Variants in NARS2 observed in about 807,000 individuals in gnomAD.
The protein encoded by NARS2 is asparaginyl-tRNA synthetase.
In NARS2, 60 loss-of-function variants were observed where a neutral mutation model predicts 62.9. The observed-to-expected ratio is 0.95, with a 90% CI of 0.77 to 1.18. The LOEUF (loss-of-function observed/expected upper bound fraction) is 1.18, where lower values mean the gene tolerates loss of function less well. Among genes scored for constraint, NARS2 ranks in the 50% most tolerant of loss-of-function variants. The pLI is 0.00. For synonymous variants in NARS2, 196 were observed against 200.0 expected (o/e 0.98, Z 0.17); for missense variants, 619 against 576.4 (o/e 1.07, Z -0.76).
rs1857416664 is a variant in NARS2 at position 78,436,600 on chromosome 11, T to A, written c.*70A>T. 2.0e-6 allele frequency: 3 copies of A among 1,490,678 alleles called. No homozygotes were observed. The highest frequency in any genetic ancestry group is 2.8e-5 in the African/African-American group (2 of 71,476). The allele number at this position is 1,490,678 out of a possible 1,614,324, so 92.3% of individuals were successfully genotyped here. A position where few individuals can be genotyped will look rare whatever the true frequency, so the allele number is the denominator to read the frequency against. On this transcript the variant is annotated 3_prime_UTR_variant, in exon 14 of 14. Coordinates refer to ENST00000281038, the MANE Select transcript of NARS2 (RefSeq NM_024678.6). ...TGCATTTCTAAAATCCAAACATGCA[T>A]TCTGCTGTATGCACAATCATGTGCA...
At chr11:78,469,747 T>C (rs959471295) in intron 9 of NARS2, among the ~76,000 whole-genome samples, 1 of 148,858 alleles carries the variant, frequency 6.7e-6, no homozygotes. Context: ...ACAATGTGCG[T>C]GCGCGCATGT....
intron 11 of NARS2, among the ~76,000 whole-genome samples, chr11:78,452,317 C>T (rs1343903461): frequency 6.6e-6 from 1 of 151,972 alleles, no homozygotes. Flanking sequence ...CCATGTTGGC[C>T]AGGCTGGTCT....
At chr11:78,553,622 T>C (rs1257675391) in intron 5 of NARS2, among the ~76,000 whole-genome samples, 1 of 152,126 alleles carries the variant, frequency 6.6e-6, no homozygotes, top group African/African-American at 2.4e-5. Context: ...TGTTTTTCTC[T>C]TCTAAGTAAG....
intron 6 of NARS2, among the ~76,000 whole-genome samples, chr11:78,521,845 GT>G (rs1861139880): frequency 6.7e-6 from 1 of 149,646 alleles, no homozygotes; most frequent in South Asian, 2.1e-4. Context: ...CCTTTTTGTA[GT>G]TTTTGCAGAT....
chr11:78,562,377 C>G (rs890279519), intron 4 of NARS2, among the ~76,000 whole-genome samples: 1 of 152,156 alleles, frequency 6.6e-6, no homozygotes, highest in Non-Finnish European at 1.5e-5. Context: ...TGGCAGTAAG[C>G]CATGACTGCA....
chr11:78,568,852 A>T (rs1856827253), intron 2 of NARS2, 100 bp from the exon 3 acceptor site: 1 of 950,174 alleles, frequency 1.1e-6, no homozygotes, highest in Non-Finnish European at 1.5e-6. Context: ...TAATGACAAA[A>T]GCTTTTACCC....
intron 5 of NARS2, among the ~76,000 whole-genome samples, chr11:78,544,432 A>G (rs922612201): frequency 1.3e-5 from 2 of 152,140 alleles, no homozygotes; most frequent in South Asian, 2.1e-4. Flanking sequence ...TATGCTCTGA[A>G]TTTTCCAGAA....
intron 6 of NARS2, among the ~76,000 whole-genome samples, chr11:78,503,617 A>C (rs555725888): frequency 6.6e-6 from 1 of 152,224 alleles, no homozygotes; most frequent in East Asian, 1.9e-4. Flanking sequence ...TATTTCATAA[A>C]AAGGGTACAC....
At chr11:78,505,070 A>C (rs1860435200) in intron 6 of NARS2, among the ~76,000 whole-genome samples, 1 of 152,056 alleles carries the variant, frequency 6.6e-6, no homozygotes, top group Non-Finnish European at 1.5e-5. Context: ...TAAAAAAAAA[A>C]AAACCACTAA....
chr11:78,454,466 T>C (rs969798172), intron 11 of NARS2, among the ~76,000 whole-genome samples: 10 of 152,196 alleles, frequency 6.6e-5, no homozygotes, highest in African/African-American at 2.2e-4. Context: ...CTCTCTGTTT[T>C]GCTGTGTGAC....
chr11:78,533,350 T>G (rs1377263638), intron 5 of NARS2: 2 of 152,212 alleles, frequency 1.3e-5, no homozygotes, highest in Non-Finnish European at 2.9e-5. Context: ...TTGTGTATAT[T>G]TGTGATTTTT....
chr11:78,486,460 A>C (rs1740903276), intron 7 of NARS2, among the ~76,000 whole-genome samples: 3 of 152,212 alleles, frequency 2.0e-5, no homozygotes, highest in Admixed American at 6.5e-5. Context: ...AATGAACTAC[A>C]AATCACTGTG....
intron 11 of NARS2, among the ~76,000 whole-genome samples, chr11:78,452,601 G>T (rs1441391082): frequency 1.3e-5 from 2 of 151,916 alleles, no homozygotes; most frequent in Non-Finnish European, 2.9e-5. Context: ...TACAGACAGG[G>T]TCTCAATTTG....
intron 11 of NARS2, among the ~76,000 whole-genome samples, chr11:78,447,866 G>A (rs748540273): frequency 1.3e-5 from 2 of 152,150 alleles, no homozygotes; most frequent in Non-Finnish European, 2.9e-5. Context: ...GGAACGAAGA[G>A]TTGCTGATCA....
At chr11:78,439,774 A>G (rs1237417188) in intron 13 of NARS2, among the ~76,000 whole-genome samples, 1 of 152,174 alleles carries the variant, frequency 6.6e-6, no homozygotes, top group Non-Finnish European at 1.5e-5. Context: ...GCACAGCACA[A>G]GGATTAATAA....
rs559764943 is a variant in NARS2, at chr11:78,501,040, T to A, written c.690-7845A>T. On this transcript the variant is annotated intron_variant, in intron 6 of 13. Transcript: ENST00000281038. ...CTGGGAGGTTGAGGCTGCAGTGAGC[T>A]GTGATAATGTGACTGTGCTCCAGCC... 3.9e-5 allele frequency among the ~76,000 whole-genome samples: 6 copies of A among 152,246 alleles called. No homozygotes were observed. In the South Asian group the frequency reaches 1.2e-3, roughly 32 times the overall value.
intron 11 of NARS2, among the ~76,000 whole-genome samples, chr11:78,459,214 AATCTGATG>A (rs977408400): frequency 7.1e-6 from 1 of 141,742 alleles, no homozygotes; most frequent in African/African-American, 2.8e-5. Context: ...GGCGCCGGTC[AATCTGATG>A]ATCTGATGGT....
At chr11:78,533,169 T>C (rs567494232) in intron 5 of NARS2, 20 of 152,342 alleles carry the variant, frequency 1.3e-4, no homozygotes, top group African/African-American at 4.8e-4. Context: ...TGCATCCAAC[T>C]GACCTCGCTG....
At chr11:78,474,650 T>C (rs1859010214) in intron 9 of NARS2, among the ~76,000 whole-genome samples, 1 of 152,164 alleles carries the variant, frequency 6.6e-6, no homozygotes, top group Admixed American at 6.5e-5. Context: ...ACTCAATTAC[T>C]CAGTATTTAC....
Sources: gnomAD v4.1 joint callset for allele counts (sites outside exome capture counted in the v4.1 genomes callset) on GRCh38, gnomAD v4.1.1 for gene constraint, MANE v1.5 for transcripts, NCBI Gene and HGNC (gene_info 2026-07-23, HGNC 2026-07-21) for gene names.